The following PSME4 variants were observed in gnomAD, a reference collection of about 807,000 sequenced individuals.
PSME4 encodes proteasome activator complex subunit 4.
A neutral mutation model predicts 253.9 loss-of-function variants in PSME4; 89 were observed. The observed-to-expected ratio is 0.35, with a 90% CI of 0.30 to 0.42. The LOEUF (loss-of-function observed/expected upper bound fraction) is 0.42. PSME4 is among the 10% of genes least tolerant of loss of function. PSME4 has a pLI of 1.00. For synonymous variants in PSME4, 851 were observed against 759.2 expected (o/e 1.12, Z -1.99); for missense variants, 2,014 against 2,195.2 (o/e 0.92, Z 1.65).
intron 36 of PSME4, among the ~76,000 whole-genome samples, chr2:53,891,570 A>G (rs1446560123): frequency 6.6e-6 from 1 of 151,964 alleles, no homozygotes; most frequent in East Asian, 1.9e-4. Flanking sequence ...TTTTAAAAGA[A>G]TGAATGAAGG....
At chr2:53,871,983 C>T (rs1400912653) in intron 43 of PSME4, among the ~76,000 whole-genome samples, 1 of 152,220 alleles carries the variant, frequency 6.6e-6, no homozygotes, top group Non-Finnish European at 1.5e-5. Flanking sequence ...CACTGCACTC[C>T]CGCCTGGGCA....
chr2:53,936,596 T>A (rs916158314), intron 6 of PSME4, among the ~76,000 whole-genome samples, 168 bp downstream of exon 6: 19 of 151,640 alleles, frequency 1.3e-4, no homozygotes, highest in Non-Finnish European at 2.5e-4. Flanking sequence ...ACAAATAATA[T>A]AAAATTGAAA....
At position 53,869,401 on chromosome 2, in the gene PSME4, A is replaced by G. The variant is rs746443817; in HGVS notation, c.5238T>C (p.Ser1746=). 9 of 1,610,392 alleles carry G rather than the reference A, an allele frequency of 5.6e-6. No homozygotes were observed. In the South Asian group the frequency reaches 9.9e-5, roughly 18 times the overall value. ...LPKKRKRDPG[S]VGDTIPSAEL... is the part of the protein sequence containing the mutation. ...CTGCAGAAGGAATGGTATCTCCTACAGAACCAGGGTCTCGCTTTCTTTTCT... is the reference window on the plus strand; with the variant it reads ...CTGCAGAAGGAATGGTATCTCCTACGGAACCAGGGTCTCGCTTTCTTTTCT... Residue 1746 remains serine (S), a synonymous_variant, in exon 44 of 47, where the codon TCT becomes TCC. Coordinates refer to ENST00000404125, the MANE Select transcript of PSME4 (RefSeq NM_014614.3).
chr2:53,932,214 T>G, intron 9 of PSME4, 114 bp from the exon 10 acceptor site: 1 of 967,554 alleles, frequency 1.0e-6, no homozygotes, highest in Middle Eastern at 2.4e-4. Context: ...TCTTATTATC[T>G]TATTACAAAG....
At chr2:53,875,381 C>A (rs974664395) in intron 42 of PSME4, among the ~76,000 whole-genome samples, 4 of 152,212 alleles carry the variant, frequency 2.6e-5, no homozygotes, top group African/African-American at 9.7e-5. Flanking sequence ...ATCCAAAGCA[C>A]TTAATAATGA....
chr2:53,871,689 T>C (rs1678885157), intron 43 of PSME4, among the ~76,000 whole-genome samples: 1 of 152,134 alleles, frequency 6.6e-6, no homozygotes, highest in African/African-American at 2.4e-5. Flanking sequence ...AATATCCAAA[T>C]CCACTTTCTC....
intron 14 of PSME4, among the ~76,000 whole-genome samples, chr2:53,925,255 T>C (rs1385165038): frequency 6.6e-6 from 1 of 152,200 alleles, no homozygotes; most frequent in African/African-American, 2.4e-5. Context: ...AGTGCCTCGT[T>C]TGCTCTCAGC....
At chr2:53,894,942 A>G in intron 34 of PSME4, 65 bp downstream of exon 34, 1 of 1,340,162 alleles carries the variant, frequency 7.5e-7, no homozygotes, top group Non-Finnish European at 1.0e-6. Flanking sequence ...AACTGAAGTG[A>G]GGTTGAGATA....
rs943244306 is a variant in PSME4, at chr2:53,939,854, C to T, written c.545+102G>A. The T allele has an allele frequency of 8.1e-6, 8 of 990,868 alleles. No individual in the cohort carries two copies. In the East Asian group the frequency reaches 1.8e-4, roughly 23 times the overall value. The allele number at this position is 990,868 out of a possible 1,614,324, so 61.4% of individuals were successfully genotyped here. On this transcript the variant is annotated intron_variant, in intron 4 of 46. Transcript: ENST00000404125. Reference sequence around the variant, plus strand: ...TGCTCAGTGACTAACATCACAATGTCAGGAACTATTTATACTTTTCATTTC... The same window carrying T: ...TGCTCAGTGACTAACATCACAATGTTAGGAACTATTTATACTTTTCATTTC...
intron 40 of PSME4, 133 bp from the exon 41 acceptor site, chr2:53,885,908 G>A (rs1679614381): frequency 3.7e-6 from 2 of 534,086 alleles, no homozygotes; most frequent in Non-Finnish European, 6.6e-6. Context: ...TATCATCTAT[G>A]TTACTTCATA....
chr2:53,898,373 G>C lies in PSME4; in HGVS notation c.3423-19C>G. The C allele has an allele frequency of 1.3e-6, 2 of 1,560,386 alleles. No homozygotes were observed. The highest frequency in any genetic ancestry group is 1.7e-6 in the Non-Finnish European group (2 of 1,143,680). On this transcript the variant is annotated intron_variant, in intron 29 of 46. Coordinates refer to ENST00000404125, the MANE Select transcript of PSME4 (RefSeq NM_014614.3). The stretch of plus-strand genomic sequence containing the variant: ...ATAGTTCCTTTAAAAAAAAGGTGAG[G>C]TATTATTTTACTATAATACTAAAAT...
At chr2:53,875,197 T>A (rs1037949404) in intron 42 of PSME4, among the ~76,000 whole-genome samples, 2 of 152,214 alleles carry the variant, frequency 1.3e-5, no homozygotes, top group South Asian at 4.1e-4. Context: ...CACTTCTATA[T>A]AACATGTGTA....
intron 20 of PSME4, among the ~76,000 whole-genome samples, chr2:53,911,277 C>G (rs1364544351): frequency 6.6e-6 from 1 of 152,182 alleles, no homozygotes; most frequent in Non-Finnish European, 1.5e-5. Flanking sequence ...TTCTTTTTCA[C>G]TAACTTACTT....
intron 30 of PSME4, 62 bp from the exon 31 acceptor site, chr2:53,898,061 G>A: frequency 2.0e-6 from 3 of 1,519,844 alleles, no homozygotes; most frequent in South Asian, 1.2e-5. Context: ...AAAAAAAACT[G>A]TATGTGAAAC....
At position 53,875,735 on chromosome 2, in the gene PSME4, G is replaced by A. The variant is rs1242044361; in HGVS notation, c.4836C>T (p.Asp1612=). 6.8e-6 allele frequency: 11 copies of A among 1,611,046 alleles called. No homozygotes were observed. The highest frequency in any genetic ancestry group is 9.3e-6 in the Non-Finnish European group (11 of 1,178,866). The part of the protein sequence containing the change: ...LFFKIAPVEN[D]NSYDELKRDA... ...CTCTTTTCAGTTCATCGTAGCTATT[G>A]TCATTTTCCACTGGGGCAATCTAAA... The change falls in exon 42 of 47, where the codon GAC becomes GAT. Residue 1612 remains aspartate (D), a synonymous_variant. Transcript: ENST00000404125.
intron 3 of PSME4, among the ~76,000 whole-genome samples, chr2:53,940,331 T>C (rs950662087): frequency 2.6e-5 from 4 of 152,234 alleles, no homozygotes; most frequent in Non-Finnish European, 4.4e-5. Context: ...GGCTTAAAAC[T>C]TCAAATAATT....
Position 53,920,963 on chromosome 2 carries a change from G to C in PSME4, c.2188C>G (p.Leu730Val), listed in dbSNP as rs923257515. Residue 730 changes from leucine to valine, a missense_variant, in exon 18 of 47, where the codon CTT (leucine) becomes GTT (valine). Physicochemically the swap from Leu to Val is conservative, Grantham distance 32. This residue lies in a region of PSME4 where 989 missense variants were observed against 1,021.1 expected (regional missense o/e 0.97). Transcript: ENST00000404125. The part of the protein sequence containing the change: ...LLHHLLRSTT[L>V]IYPTEYCSVP... The stretch of plus-strand genomic sequence containing the variant: ...CTGCAGTATTCTGTAGGGTAGATAA[G>C]TGTGGTAGAACGGAGAAGATGATGC... 1.9e-6 allele frequency: 3 copies of C among 1,613,994 alleles called. No individual in the cohort carries two copies. Among genetic ancestry groups the C allele is most frequent in the Non-Finnish European group, 2.5e-6 (3 of 1,179,972 alleles).
At chr2:53,886,771 T>C (rs1266752328) in intron 40 of PSME4, among the ~76,000 whole-genome samples, 1 of 152,152 alleles carries the variant, frequency 6.6e-6, no homozygotes, top group East Asian at 1.9e-4. Flanking sequence ...CAGAGCAGCA[T>C]TAGTCACAAT....
chr2:53,874,064 C>T (rs977842119), intron 43 of PSME4, among the ~76,000 whole-genome samples: 4 of 152,124 alleles, frequency 2.6e-5, no homozygotes, highest in Admixed American at 2.0e-4. Context: ...CAGGCTTAAG[C>T]GATCCTCCGA....
Sources: gnomAD v4.1 joint callset for allele counts (sites outside exome capture counted in the v4.1 genomes callset) on GRCh38, gnomAD v4.1.1 for gene constraint, gnomAD v4.1.1 regional missense constraint, MANE v1.5 for transcripts, NCBI Gene and HGNC (gene_info 2026-07-23, HGNC 2026-07-21) for gene names.